ZNF717: variants seen among roughly 807,000 people sequenced by gnomAD.
The protein encoded by ZNF717 is krueppel-like factor X17.
Under a neutral mutation model 13.8 loss-of-function variants are expected in ZNF717, and 9 were observed. That is an observed-to-expected ratio of 0.65 (90% confidence interval 0.39 to 1.14). ZNF717 has a LOEUF of 1.14. Ranked by LOEUF, ZNF717 falls within the 50% of genes most tolerant of loss-of-function variation. ZNF717 has a pLI of 0.01. For synonymous variants in ZNF717, 327 were observed against 364.1 expected (o/e 0.90, Z 1.16); for missense variants, 1,040 against 1,080.7 (o/e 0.96, Z 0.53).
downstream of ZNF717, among the ~76,000 whole-genome samples, chr3:75,733,746 T>C (rs1262839615): frequency 1.7e-5 from 2 of 114,896 alleles, no homozygotes; most frequent in African/African-American, 6.8e-5. Context: ...ACCACTGCAC[T>C]CCAGCCTGGG....
chr3:75,714,912 A>T (rs1241758625), intron 5 of ZNF717, among the ~76,000 whole-genome samples: 1 of 152,230 alleles, frequency 6.6e-6, no homozygotes, highest in Non-Finnish European at 1.5e-5. Flanking sequence ...AACAAAATAC[A>T]TGTGTATATG....
chr3:75,733,329 C>T (rs113006698), downstream of ZNF717, among the ~76,000 whole-genome samples: 1 of 152,204 alleles, frequency 6.6e-6, no homozygotes, highest in African/African-American at 2.4e-5. Context: ...TGTCAGACAC[C>T]AAACCAAAGA....
intron 2 of ZNF717, among the ~76,000 whole-genome samples, chr3:75,773,258 G>C (rs1944037387): frequency 6.6e-6 from 1 of 152,182 alleles, no homozygotes; most frequent in African/African-American, 2.4e-5. Context: ...CAATATTTTA[G>C]GTAAAAATAG....
downstream of ZNF717, among the ~76,000 whole-genome samples, chr3:75,734,188 C>A (rs1219233466): frequency 1.3e-5 from 2 of 152,000 alleles, no homozygotes; most frequent in Admixed American, 6.6e-5. Context: ...TCTGCCTCAG[C>A]CTCCCAAGTA....
intron 6 of ZNF717, among the ~76,000 whole-genome samples, chr3:75,699,470 G>GTT (rs1937642988): frequency 6.6e-6 from 1 of 152,312 alleles, no homozygotes; most frequent in East Asian, 1.9e-4. Flanking sequence ...TCCAAGAACA[G>GTT]TTTGGCATCA....
At chr3:75,763,091 G>A (rs561035091) in intron 2 of ZNF717, among the ~76,000 whole-genome samples, 85 of 152,232 alleles carry the variant, frequency 5.6e-4, no homozygotes, top group African/African-American at 2.0e-3. Flanking sequence ...AAACTCCTAG[G>A]CAAAACAAAT....
At chr3:75,769,913 T>C (rs1326729880) in intron 2 of ZNF717, among the ~76,000 whole-genome samples, 1 of 152,246 alleles carries the variant, frequency 6.6e-6, no homozygotes, top group East Asian at 1.9e-4. Context: ...GTTAGCATAT[T>C]GTATACATTG....
intron 5 of ZNF717, among the ~76,000 whole-genome samples, chr3:75,715,245 T>C (rs1938023732): frequency 6.6e-6 from 1 of 152,186 alleles, no homozygotes; most frequent in Non-Finnish European, 1.5e-5. Flanking sequence ...ACTCAATAAA[T>C]TGTATAAGAA....
chr3:75,748,378 C>G (rs1941370741), intron 2 of ZNF717, among the ~76,000 whole-genome samples: 1 of 152,124 alleles, frequency 6.6e-6, no homozygotes, highest in African/African-American at 2.4e-5. Flanking sequence ...CTGGACGAGA[C>G]ATAATCAAAA....
intron 2 of ZNF717, among the ~76,000 whole-genome samples, chr3:75,743,484 G>A (rs1199484825): frequency 1.3e-5 from 2 of 152,208 alleles, no homozygotes; most frequent in East Asian, 3.9e-4. Context: ...TATCCACCCA[G>A]GGTGAACACA....
At chr3:75,719,872 C>A (rs1938134539) in intron 4 of ZNF717, among the ~76,000 whole-genome samples, 1 of 151,914 alleles carries the variant, frequency 6.6e-6, no homozygotes, top group Admixed American at 6.6e-5. Context: ...GCATGATAAT[C>A]ACTTGAACCC....
At chr3:75,775,758 A>G (rs1944259851) in intron 2 of ZNF717, among the ~76,000 whole-genome samples, 2 of 130,678 alleles carry the variant, frequency 1.5e-5, no homozygotes, top group Non-Finnish European at 3.5e-5. Context: ...GAGGCTGAGG[A>G]GGAGAATCGC....
chr3:75,730,241 A>G (rs1306364059), exon 6 of ZNF717: 1 of 169,850 alleles, frequency 5.9e-6, no homozygotes, highest in Admixed American at 6.3e-5. Flanking sequence ...GCCATTCCTG[A>G]GAAAGAGAAT....
At chr3:75,769,710 T>A (rs182645491) in intron 2 of ZNF717, among the ~76,000 whole-genome samples, 272 of 152,328 alleles carry the variant, frequency 1.8e-3, no homozygotes, top group African/African-American at 5.9e-3. Flanking sequence ...AATTTTCAGT[T>A]AATTAGGTTG....
intron 2 of ZNF717, among the ~76,000 whole-genome samples, chr3:75,773,005 C>T (rs1394132388): frequency 6.6e-6 from 1 of 152,170 alleles, no homozygotes; most frequent in Non-Finnish European, 1.5e-5. Flanking sequence ...GGACTGGGTC[C>T]AGGATCAGAT....
rs77707001 is a variant in ZNF717 at position 75,744,421 on chromosome 3, T to C, written c.58-2685A>G. ...GAAGAGACTAAAAAATCAACAGTTC[T>C]TTCTAGATTTGAAACTCAGGGGAGG... On this transcript the variant is annotated intron_variant, in intron 2 of 4. Coordinates refer to ENST00000652011, the MANE Select transcript of ZNF717 (RefSeq NM_001290208.3). Among the ~76,000 whole-genome samples, 408 of 152,340 alleles carry C rather than the reference T, an allele frequency of 2.7e-3. 5 individuals are homozygous for C. In the East Asian group the frequency reaches 0.069, roughly 26 times the overall value.
intron 3 of ZNF717, 70 bp downstream of exon 3, chr3:75,741,540 C>G (rs796373592): frequency 6.6e-7 from 1 of 1,523,408 alleles, no homozygotes. Context: ...TATTATTATA[C>G]CTTAAAAGGG....
chr3:75,764,467 C>T (rs140992973), intron 2 of ZNF717, among the ~76,000 whole-genome samples: 2 of 152,296 alleles, frequency 1.3e-5, no homozygotes, highest in Non-Finnish European at 2.9e-5. Context: ...GTTTGCCCAA[C>T]GTAATGAGGA....
intron 5 of ZNF717, among the ~76,000 whole-genome samples, chr3:75,714,625 C>A (rs73114933): frequency 5.9e-5 from 9 of 151,870 alleles, no homozygotes; most frequent in African/African-American, 2.2e-4. Flanking sequence ...GGTGGCTTGC[C>A]GCCCACATAA....
Sources: allele counts gnomAD v4.1 joint callset (sites outside exome capture counted in the v4.1 genomes callset), GRCh38; gene constraint gnomAD v4.1.1; transcripts MANE v1.5; gene names NCBI Gene and HGNC (gene_info 2026-07-23, HGNC 2026-07-21).